PRKCA: variants seen among roughly 807,000 people sequenced by gnomAD.
The protein encoded by PRKCA is protein kinase C alpha.
A neutral mutation model predicts 87.0 loss-of-function variants in PRKCA; 27 were observed. The observed-to-expected ratio is 0.31, with a 90% CI of 0.23 to 0.43. The LOEUF (loss-of-function observed/expected upper bound fraction) is 0.43, where lower values mean the gene tolerates loss of function less well. PRKCA is among the 20% of genes least tolerant of loss of function. The pLI is 1.00. For missense variants in PRKCA, 518 were observed against 852.3 expected (o/e 0.61, Z 4.88); for synonymous variants, 329 against 311.1 (o/e 1.06, Z -0.61).
At chr17:66,507,106 G>C (rs972515467) in intron 3 of PRKCA, among the ~76,000 whole-genome samples, 6 of 152,182 alleles carry the variant, frequency 3.9e-5, no homozygotes, top group African/African-American at 1.2e-4. Context: ...CATTTATTGT[G>C]TGTGAGGTAT....
chr17:66,559,366 C>T (rs1048384334), intron 3 of PRKCA, among the ~76,000 whole-genome samples: 6 of 151,098 alleles, frequency 4.0e-5, no homozygotes, highest in African/African-American at 1.5e-4. Flanking sequence ...ATCCCAGCTA[C>T]TCAGGAGGCT....
rs368233389 is a variant in PRKCA, at chr17:66,402,414, ATTTTTT to A, written c.206-93771_206-93766del. 4.1e-3 allele frequency among the ~76,000 whole-genome samples: 551 copies of A among 133,676 alleles called. 4 individuals are homozygous for A. The highest frequency in any genetic ancestry group is 0.014 in the African/African-American group (504 of 36,256). The allele number at this position is 133,676 out of a possible 152,430, so 87.7% of individuals were successfully genotyped here. A position where few individuals can be genotyped will look rare whatever the true frequency, so the allele number is the denominator to read the frequency against. ...AGAAAAGTGAAAAAGAGGCCAAGAAATTTTTTTTTTTTTTTTTTTTTAAAGAATATG... is the reference window on the plus strand; with the variant it reads ...AGAAAAGTGAAAAAGAGGCCAAGAAATTTTTTTTTTTTTTTAAAGAATATG... On this transcript the variant is annotated intron_variant, in intron 2 of 16. Coordinates refer to ENST00000413366, the MANE Select transcript of PRKCA (RefSeq NM_002737.3).
chr17:66,743,397 C>T (rs572915102), intron 13 of PRKCA, among the ~76,000 whole-genome samples: 3 of 152,270 alleles, frequency 2.0e-5, no homozygotes, highest in South Asian at 4.2e-4. Context: ...CGGGGTGAGA[C>T]GGGGGTTGCA....
intron 2 of PRKCA, among the ~76,000 whole-genome samples, chr17:66,441,382 G>A (rs1420672978): frequency 6.6e-6 from 1 of 151,668 alleles, no homozygotes; most frequent in Non-Finnish European, 1.5e-5. Flanking sequence ...TAAGCTCACA[G>A]TTCTGGCCAT....
At chr17:66,318,269 A>G (rs556330124) in intron 2 of PRKCA, among the ~76,000 whole-genome samples, 21 of 152,350 alleles carry the variant, frequency 1.4e-4, no homozygotes, top group Non-Finnish European at 2.8e-4. Flanking sequence ...GTTTCTGTAT[A>G]TCACATAGAT....
intron 3 of PRKCA, among the ~76,000 whole-genome samples, chr17:66,576,019 C>T (rs1043893042): frequency 6.6e-6 from 1 of 152,110 alleles, no homozygotes; most frequent in Admixed American, 6.5e-5. Context: ...GAGGCTGAGG[C>T]AGGAGAAGTG....
intron 2 of PRKCA, among the ~76,000 whole-genome samples, chr17:66,378,192 G>T (rs972445851): frequency 1.3e-5 from 2 of 152,038 alleles, no homozygotes; most frequent in Non-Finnish European, 2.9e-5. Context: ...CTGTGGTGGC[G>T]TGTGCCTGTA....
intron 2 of PRKCA, among the ~76,000 whole-genome samples, chr17:66,434,223 T>G (rs1400821025): frequency 6.6e-6 from 1 of 151,264 alleles, no homozygotes; most frequent in Non-Finnish European, 1.5e-5. Context: ...GAAGGCAGCA[T>G]CCTTTAATGG....
chr17:66,543,280 CA>C (rs1968045320), intron 3 of PRKCA, among the ~76,000 whole-genome samples: 1 of 152,066 alleles, frequency 6.6e-6, no homozygotes, highest in African/African-American at 2.4e-5. Context: ...CAAAAGAATG[CA>C]GTATTTGTGG....
chr17:66,740,153 AGG>A (rs10537839), intron 11 of PRKCA, among the ~76,000 whole-genome samples: 114,786 of 151,556 alleles, frequency 0.76, 43,642 homozygotes, highest in African/African-American at 0.79. Flanking sequence ...AGGTGGTTTG[AGG>A]GGGGAGATTC....
chr17:66,440,164 C>T (rs978275328), intron 2 of PRKCA, among the ~76,000 whole-genome samples: 7 of 152,194 alleles, frequency 4.6e-5, no homozygotes, highest in Non-Finnish European at 8.8e-5. Context: ...ATTGACTTCT[C>T]AGTGATTATG....
At chr17:66,707,353 A>T (rs2144114106) in intron 8 of PRKCA, among the ~76,000 whole-genome samples, 1 of 152,272 alleles carries the variant, frequency 6.6e-6, no homozygotes, top group African/African-American at 2.4e-5. Flanking sequence ...TCCTCTGAAT[A>T]CTTTGAAGTC....
chr17:66,736,413 G>C (rs1974028328), intron 10 of PRKCA, among the ~76,000 whole-genome samples: 1 of 152,030 alleles, frequency 6.6e-6, no homozygotes, highest in Non-Finnish European at 1.5e-5. Context: ...GAGTAGCTGG[G>C]ATTACAGGCC....
intron 2 of PRKCA, among the ~76,000 whole-genome samples, chr17:66,400,537 C>T (rs940185845): frequency 7.2e-5 from 11 of 152,220 alleles, no homozygotes; most frequent in South Asian, 2.1e-4. Flanking sequence ...AACAACTCTT[C>T]GTTGCTTCCA....
rs528233240 is a variant in PRKCA, at chr17:66,655,181, C to T, written c.529+9670C>T. On this transcript the variant is annotated intron_variant, in intron 5 of 16. Transcript: ENST00000413366. The stretch of plus-strand genomic sequence containing the variant: ...GCCTGCACATTATCCCATTCAAATG[C>T]GTATGCTTTTGGGTCATGACTGGCA... Among the ~76,000 whole-genome samples the T allele has an allele frequency of 7.9e-5, 12 of 152,344 alleles. No individual in the cohort carries two copies. The South Asian group carries it at 8.3e-4, about 11-fold the overall frequency.
chr17:66,551,643 G>C lies in PRKCA; in HGVS notation c.288+55360G>C, dbSNP rs146802964. Among the ~76,000 whole-genome samples, 1,455 of 152,282 alleles carry C rather than the reference G, an allele frequency of 9.6e-3. 27 individuals are homozygous for C. Among genetic ancestry groups the C allele is most frequent in the African/African-American group, 0.03 (1,265 of 41,562 alleles). ...TCACTAGGTCCAGCCCATACTCAAG[G>C]GGGGGATATTGTTTGAACACTTAAG... On this transcript the variant is annotated intron_variant, in intron 3 of 16. Coordinates refer to ENST00000413366, the MANE Select transcript of PRKCA (RefSeq NM_002737.3).
chr17:66,751,196 T>C (rs915921975), intron 13 of PRKCA, among the ~76,000 whole-genome samples: 1 of 152,254 alleles, frequency 6.6e-6, no homozygotes, highest in Non-Finnish European at 1.5e-5. Context: ...TAACATTTGT[T>C]CATTTCTTGC....
intron 2 of PRKCA, among the ~76,000 whole-genome samples, chr17:66,472,252 A>G (rs573038026): frequency 2.0e-5 from 3 of 152,298 alleles, no homozygotes; most frequent in East Asian, 1.9e-4. Context: ...AAGTTTTACT[A>G]TAACCAATGA....
intron 3 of PRKCA, among the ~76,000 whole-genome samples, chr17:66,564,010 CTT>C (rs1159414301): frequency 8.2e-6 from 1 of 121,610 alleles, no homozygotes; most frequent in Non-Finnish European, 1.7e-5. Flanking sequence ...TTCCTCCTTT[CTT>C]TCTCTCTCTC....
Sources: allele counts gnomAD v4.1 joint callset (sites outside exome capture counted in the v4.1 genomes callset), GRCh38; gene constraint gnomAD v4.1.1; transcripts MANE v1.5; gene names NCBI Gene and HGNC (gene_info 2026-07-23, HGNC 2026-07-21).